Variants in DOK6 observed in about 807,000 individuals in gnomAD.
The protein encoded by DOK6 is docking protein 6.
Under a neutral mutation model 44.0 loss-of-function variants are expected in DOK6, and 22 were observed. That is an observed-to-expected ratio of 0.50 (90% CI 0.36 to 0.71). DOK6 has a LOEUF of 0.71. Ranked by LOEUF, DOK6 falls within the 30% of genes least tolerant of loss-of-function variation. The pLI is 0.00. For missense variants in DOK6, 340 were observed against 416.4 expected (o/e 0.82, Z 1.60); for synonymous variants, 166 against 145.5 (o/e 1.14, Z -1.01).
At chr18:69,506,067 C>A (rs1981178000) in intron 1 of DOK6, among the ~76,000 whole-genome samples, 1 of 151,866 alleles carries the variant, frequency 6.6e-6, no homozygotes, top group Admixed American at 6.6e-5. Flanking sequence ...ATTCTAGCAA[C>A]AAATGAATGT....
chr18:69,786,908 C>T (rs1287051752), intron 7 of DOK6, among the ~76,000 whole-genome samples: 2 of 152,154 alleles, frequency 1.3e-5, no homozygotes, highest in South Asian at 2.1e-4. Flanking sequence ...TTCAAAAATG[C>T]ACAGATCCCA....
chr18:69,429,040 G>A lies in DOK6; in HGVS notation c.66+27730G>A, dbSNP rs78613516. Reference sequence around the variant, plus strand: ...GGCCTAACATTGCTTGGACTACTTCGATCTGGAATAAGAAGAAATATTGCC... The same window carrying A: ...GGCCTAACATTGCTTGGACTACTTCAATCTGGAATAAGAAGAAATATTGCC... On this transcript the variant is annotated intron_variant, in intron 1 of 7. Transcript: ENST00000382713. Among the ~76,000 whole-genome samples the A allele has an allele frequency of 4.8e-3, 728 of 152,268 alleles. 7 individuals carry two copies. The highest frequency in any genetic ancestry group is 0.017 in the African/African-American group (688 of 41,560).
intron 1 of DOK6, among the ~76,000 whole-genome samples, chr18:69,401,615 G>T (rs1916101958): frequency 6.6e-6 from 1 of 152,204 alleles, no homozygotes; most frequent in South Asian, 2.1e-4. Context: ...ACGTGCCTTG[G>T]AGGAGGTTTC....
chr18:69,701,672 T>C (rs909016167), intron 5 of DOK6, among the ~76,000 whole-genome samples: 1 of 152,200 alleles, frequency 6.6e-6, no homozygotes, highest in African/African-American at 2.4e-5. Context: ...AGTAGAAAAT[T>C]GGTGCTTAAA....
At position 69,401,050 on chromosome 18, in the gene DOK6, G is replaced by GCCCCGTT. The variant is rs1316091552; in HGVS notation, c.-188_-182dup. 4.1e-6 allele frequency: 1 copy of GCCCCGTT among 242,178 alleles called. No homozygotes were observed. The highest frequency in any genetic ancestry group is 7.2e-6 in the Non-Finnish European group (1 of 138,736). 15.0% of individuals were successfully genotyped at this position (242,178 alleles called of 1,614,324 possible). A position where few individuals can be genotyped will look rare whatever the true frequency, so the allele number is the denominator to read the frequency against. ...GGGCTGGCGCGGCTCGCGGCGCCGG[G>GCCCCGTT]CCCCGTTCCCCGTCCGCGGCGGCCC... On this transcript the variant is annotated 5_prime_UTR_variant, in exon 1 of 8. Transcript: ENST00000382713.
chr18:69,829,761 C>T (rs1233822785), intron 7 of DOK6, among the ~76,000 whole-genome samples: 1 of 150,812 alleles, frequency 6.6e-6, no homozygotes, highest in African/African-American at 2.4e-5. Context: ...AAATGAAATA[C>T]TTTCTATAGG....
intron 3 of DOK6, among the ~76,000 whole-genome samples, chr18:69,656,149 G>A (rs1042436994): frequency 1.2e-4 from 18 of 151,934 alleles, no homozygotes; most frequent in Admixed American, 1.3e-4. Flanking sequence ...AGAATGAATA[G>A]ATGACTCAAT....
At chr18:69,544,273 A>G (rs1367998739) in intron 1 of DOK6, among the ~76,000 whole-genome samples, 1 of 151,538 alleles carries the variant, frequency 6.6e-6, no homozygotes, top group Non-Finnish European at 1.5e-5. Flanking sequence ...AACAAAACAA[A>G]ACAAAAAAAC....
At chr18:69,545,045 C>T (rs1248749768) in intron 1 of DOK6, among the ~76,000 whole-genome samples, 3 of 149,772 alleles carry the variant, frequency 2.0e-5, no homozygotes, top group South Asian at 2.1e-4. Context: ...CACTTGAACC[C>T]GGGGGTGGAG....
intron 6 of DOK6, among the ~76,000 whole-genome samples, chr18:69,748,737 ACATGGTGTGG>A (rs1979070193): frequency 6.6e-6 from 1 of 152,208 alleles, no homozygotes; most frequent in Admixed American, 6.5e-5. Context: ...CCATTGTGGA[ACATGGTGTGG>A]CAATTCCTCA....
At chr18:69,712,810 G>A (rs1986798675) in intron 5 of DOK6, among the ~76,000 whole-genome samples, 1 of 152,204 alleles carries the variant, frequency 6.6e-6, no homozygotes, top group Non-Finnish European at 1.5e-5. Context: ...TCACGCTACT[G>A]CATTCCAGCC....
intron 7 of DOK6, among the ~76,000 whole-genome samples, chr18:69,773,237 T>C (rs929591725): frequency 6.6e-6 from 1 of 151,934 alleles, no homozygotes; most frequent in Non-Finnish European, 1.5e-5. Flanking sequence ...TTGTACACCA[T>C]TGATGGGAAT....
chr18:69,712,085 T>G (rs926250481), intron 5 of DOK6, among the ~76,000 whole-genome samples: 21 of 149,684 alleles, frequency 1.4e-4, no homozygotes, highest in Admixed American at 1.1e-3. Flanking sequence ...ATCGAGACCA[T>G]CCCGGCTAAA....
At chr18:69,627,067 C>T (rs1449529174) in intron 3 of DOK6, among the ~76,000 whole-genome samples, 4 of 152,082 alleles carry the variant, frequency 2.6e-5, no homozygotes, top group East Asian at 1.9e-4. Context: ...AATACTCTCA[C>T]GCAGTGAGAC....
intron 6 of DOK6, among the ~76,000 whole-genome samples, chr18:69,752,831 G>A (rs1184648058): frequency 6.6e-6 from 1 of 152,142 alleles, no homozygotes; most frequent in Admixed American, 6.5e-5. Flanking sequence ...GTCCCACGGG[G>A]TCATGTGGAG....
At chr18:69,625,726 T>C (rs777998249) in intron 3 of DOK6, among the ~76,000 whole-genome samples, 18 of 152,216 alleles carry the variant, frequency 1.2e-4, no homozygotes, top group Non-Finnish European at 2.5e-4. Flanking sequence ...TATGAACTCT[T>C]TGGGCCAGGC....
intron 7 of DOK6, among the ~76,000 whole-genome samples, chr18:69,778,287 CCT>C (rs1980143446): frequency 6.6e-6 from 1 of 152,084 alleles, no homozygotes; most frequent in Non-Finnish European, 1.5e-5. Context: ...CTCAGGTCCT[CCT>C]AGAAGCAGAT....
intron 1 of DOK6, among the ~76,000 whole-genome samples, chr18:69,403,309 A>G (rs1916137898): frequency 6.6e-6 from 1 of 152,134 alleles, no homozygotes; most frequent in Non-Finnish European, 1.5e-5. Flanking sequence ...TGAGTATGTA[A>G]CCCAATTATA....
intron 1 of DOK6, among the ~76,000 whole-genome samples, chr18:69,539,411 G>A (rs1239380006): frequency 6.8e-6 from 1 of 147,984 alleles, no homozygotes; most frequent in Non-Finnish European, 1.5e-5. Flanking sequence ...TTTTTGTGAA[G>A]ATAAAAAAAA....
Sources: gnomAD v4.1 joint callset for allele counts (sites outside exome capture counted in the v4.1 genomes callset) on GRCh38, gnomAD v4.1.1 for gene constraint, MANE v1.5 for transcripts, NCBI Gene and HGNC (gene_info 2026-07-23, HGNC 2026-07-21) for gene names.